USP12: variants seen among roughly 807,000 people sequenced by gnomAD.
USP12 encodes the protein ubiquitin specific peptidase 12.
In USP12, 19 loss-of-function variants were observed where a neutral mutation model predicts 45.5. The observed-to-expected ratio is 0.42, with a 90% CI of 0.29 to 0.61. The LOEUF is 0.61. Ranked by LOEUF, USP12 falls within the 20% of genes least tolerant of loss-of-function variation. The pLI is 0.22. For missense variants in USP12, 242 were observed against 447.7 expected (o/e 0.54, Z 4.15); for synonymous variants, 149 against 148.8 (o/e 1.00, Z -0.01).
chr13:27,099,650 C>T (rs1247433973), intron 3 of USP12, among the ~76,000 whole-genome samples: 1 of 151,252 alleles, frequency 6.6e-6, no homozygotes, highest in Non-Finnish European at 1.5e-5. Context: ...AGGAATTTTC[C>T]CTGATATCTC....
At chr13:27,105,644 C>T (rs575715978) in intron 3 of USP12, 87 bp downstream of exon 3, 6 of 1,275,060 alleles carry the variant, frequency 4.7e-6, no homozygotes, top group African/African-American at 1.5e-5. Flanking sequence ...ATCAGGCATA[C>T]AGATGATGCT....
intron 6 of USP12, among the ~76,000 whole-genome samples, chr13:27,076,337 C>T (rs1380617145): frequency 6.6e-6 from 1 of 152,140 alleles, no homozygotes; most frequent in Admixed American, 6.5e-5. Flanking sequence ...TCTAAACAAT[C>T]TTTATTATGC....
chr13:27,076,053 G>A (rs941113457), intron 6 of USP12, among the ~76,000 whole-genome samples: 2 of 144,472 alleles, frequency 1.4e-5, no homozygotes, highest in African/African-American at 2.6e-5. Context: ...AAAAAGAGTG[G>A]TAGAGGGAAA....
intron 3 of USP12, among the ~76,000 whole-genome samples, chr13:27,101,874 ATC>A (rs1874876552): frequency 1.3e-5 from 2 of 152,222 alleles, no homozygotes; most frequent in African/African-American, 4.8e-5. Flanking sequence ...ACTTAAATTT[ATC>A]TGTTTTTGTA....
chr13:27,078,024 T>A (rs909231581), intron 6 of USP12: 1 of 152,046 alleles, frequency 6.6e-6, no homozygotes, highest in African/African-American at 2.4e-5. Flanking sequence ...CACTGATTTT[T>A]AAAAAATCTT....
chr13:27,167,274 A>T (rs190440439), intron 1 of USP12, among the ~76,000 whole-genome samples: 8,377 of 151,994 alleles, frequency 0.055, 254 homozygotes, highest in Admixed American at 0.082. Flanking sequence ...AAAAAAAAAT[A>T]AAATAAATAA....
At chr13:27,167,317 G>C (rs1166652859) in intron 1 of USP12, among the ~76,000 whole-genome samples, 1 of 151,924 alleles carries the variant, frequency 6.6e-6, no homozygotes, top group Non-Finnish European at 1.5e-5. Flanking sequence ...GGTAAAAATT[G>C]ACCTTCCTTT....
chr13:27,131,244 C>A (rs1876486267), intron 1 of USP12, among the ~76,000 whole-genome samples: 1 of 152,182 alleles, frequency 6.6e-6, no homozygotes, highest in Non-Finnish European at 1.5e-5. Context: ...CAGAAGGCTG[C>A]ACAGGTGTGA....
At chr13:27,088,452 A>G (rs1874170762) in intron 6 of USP12, among the ~76,000 whole-genome samples, 1 of 149,438 alleles carries the variant, frequency 6.7e-6, no homozygotes, top group Admixed American at 6.7e-5. Flanking sequence ...GCGTGCTTGC[A>G]TGGATGGTCC....
intron 1 of USP12, among the ~76,000 whole-genome samples, chr13:27,149,776 G>C (rs966680775): frequency 2.6e-5 from 4 of 152,186 alleles, no homozygotes; most frequent in Non-Finnish European, 4.4e-5. Context: ...ATGGACTAGT[G>C]GGGGATGGTT....
At chr13:27,153,240 G>A (rs1409163174) in intron 1 of USP12, among the ~76,000 whole-genome samples, 4 of 152,102 alleles carry the variant, frequency 2.6e-5, no homozygotes, top group Admixed American at 6.6e-5. Flanking sequence ...GGCTGAGGCA[G>A]AGGTTGCAGT....
At chr13:27,118,693 G>A (rs1875852111) in intron 1 of USP12, among the ~76,000 whole-genome samples, 1 of 152,100 alleles carries the variant, frequency 6.6e-6, no homozygotes, top group African/African-American at 2.4e-5. Flanking sequence ...CAGAAGAAAA[G>A]GTGCCATCAA....
intron 7 of USP12, among the ~76,000 whole-genome samples, chr13:27,073,344 C>T (rs908742135): frequency 1.3e-5 from 2 of 152,210 alleles, no homozygotes; most frequent in Non-Finnish European, 2.9e-5. Flanking sequence ...ACAATTCTGA[C>T]AGTAGGGATT....
chr13:27,071,223 A>G, intron 7 of USP12, 74 bp from the exon 8 acceptor site: 1 of 1,316,280 alleles, frequency 7.6e-7, no homozygotes, highest in Middle Eastern at 2.2e-4. Context: ...ATTTTGTTTT[A>G]TAAAGAAACA....
At position 27,067,919 on chromosome 13, in the gene USP12, A is replaced by C. The variant is rs1873070251; in HGVS notation, c.*1364T>G. On this transcript the variant is annotated 3_prime_UTR_variant, in exon 9 of 9. Coordinates refer to ENST00000282344, the MANE Select transcript of USP12 (RefSeq NM_182488.4). ...CAATCGTTTACATATATTTTATGTT[A>C]CATATATTACTTCTTAAAACCCCCA... 6.6e-6 allele frequency: 1 copy of C among 152,224 alleles called. No homozygotes were observed. Among genetic ancestry groups the C allele is most frequent in the Non-Finnish European group, 1.5e-5 (1 of 68,040 alleles). 9.4% of individuals were successfully genotyped at this position (152,224 alleles called of 1,614,324 possible). A position where few individuals can be genotyped will look rare whatever the true frequency, so the allele number is the denominator to read the frequency against.
chr13:27,103,607 A>AAAATAATAATAAT (rs372985958), intron 3 of USP12, among the ~76,000 whole-genome samples: 35 of 128,510 alleles, frequency 2.7e-4, no homozygotes, highest in African/African-American at 5.6e-4. Flanking sequence ...TCAAAAAAAA[A>AAAATAATAATAAT]AATAATAATA....
chr13:27,068,560 TC>T lies in USP12; in HGVS notation c.*722del, dbSNP rs1873097038. The T allele has an allele frequency of 6.6e-6, 1 of 152,192 alleles. No homozygotes were observed. Among genetic ancestry groups the T allele is most frequent in the Non-Finnish European group, 1.5e-5 (1 of 68,034 alleles). The allele number at this position is 152,192 out of a possible 1,614,324, so 9.4% of individuals were successfully genotyped here. The stretch of plus-strand genomic sequence containing the variant: ...AATATGTTCAAATTTACTGACAGAA[TC>T]ATGGGCACTTCATATAATACTTAGA... On this transcript the variant is annotated 3_prime_UTR_variant, in exon 9 of 9. Transcript: ENST00000282344.
chr13:27,086,419 G>T lies in USP12; in HGVS notation c.734+3464C>A, dbSNP rs931345310. ...ACATAAAGTTTGATAGCATTTTAGG[G>T]ACTATGTGTGTATATACATACACAC... On this transcript the variant is annotated intron_variant, in intron 6 of 8. Transcript: ENST00000282344. 2.0e-5 allele frequency among the ~76,000 whole-genome samples: 3 copies of T among 151,174 alleles called. No homozygotes were observed. In the East Asian group the frequency reaches 5.8e-4, roughly 29 times the overall value.
intron 1 of USP12, among the ~76,000 whole-genome samples, chr13:27,163,432 C>T (rs576926313): frequency 2.0e-5 from 3 of 152,294 alleles, no homozygotes; most frequent in South Asian, 4.1e-4. Flanking sequence ...CAAAGTTCAA[C>T]TCTCTTCTAA....
Sources: gnomAD v4.1 joint callset for allele counts (sites outside exome capture counted in the v4.1 genomes callset) on GRCh38, gnomAD v4.1.1 for gene constraint, MANE v1.5 for transcripts, NCBI Gene and HGNC (gene_info 2026-07-23, HGNC 2026-07-21) for gene names.